Variants in TENM2 observed in about 807,000 individuals in gnomAD.
TENM2 encodes the protein teneurin transmembrane protein 2.
TENM2 carries 52 observed loss-of-function variants against 245.2 expected under a neutral mutation model. The observed-to-expected ratio is 0.21, with a 90% CI of 0.17 to 0.27. The LOEUF is 0.27. TENM2 is among the 10% of genes least tolerant of loss of function. The probability of loss-of-function intolerance (pLI) is 1.00; values close to 1 mark genes in which losing one functional copy is unlikely to be tolerated. For synonymous variants in TENM2, 1,363 were observed against 1,438.9 expected (o/e 0.95, Z 1.19); for missense variants, 3,046 against 3,666.8 (o/e 0.83, Z 4.37).
intron 2 of TENM2, among the ~76,000 whole-genome samples, chr5:167,545,907 A>T (rs778836372): frequency 1.1e-4 from 17 of 152,238 alleles, no homozygotes; most frequent in Non-Finnish European, 2.1e-4. Flanking sequence ...TTGGTAAGGA[A>T]CAAACTTGGC....
chr5:168,263,144 C>A (rs1206574864), downstream of TENM2: 3 of 223,630 alleles, frequency 1.3e-5, no homozygotes, highest in African/African-American at 2.3e-5. Context: ...CCAAAAGGAA[C>A]AAAAGAACAA....
intron 2 of TENM2, among the ~76,000 whole-genome samples, chr5:167,409,047 AT>A (rs1762775725): frequency 6.6e-6 from 1 of 151,792 alleles, no homozygotes; most frequent in South Asian, 2.1e-4. Context: ...AGGTAACCTC[AT>A]TGATTAAAAC....
chr5:167,115,843 G>C, the TENM2 span, among the ~76,000 whole-genome samples: 1 of 152,132 alleles, frequency 6.6e-6, no homozygotes, highest in Non-Finnish European at 1.5e-5. Context: ...GTATAAAATA[G>C]GGGTCAAGAG....
chr5:168,190,983 T>C (rs2152510914), intron 14 of TENM2: 1 of 157,150 alleles, frequency 6.4e-6, no homozygotes, highest in East Asian at 1.9e-4. Flanking sequence ...GGTGGCATCT[T>C]AGAGTCAAGA....
At chr5:167,760,530 T>G (rs989396376) in intron 2 of TENM2, among the ~76,000 whole-genome samples, 1 of 152,164 alleles carries the variant, frequency 6.6e-6, no homozygotes, top group Non-Finnish European at 1.5e-5. Context: ...GAATTTTTAT[T>G]GTTGGCCTGA....
In TENM2 at chr5:168,218,511, T is replaced by C. The variant is rs374960285; in HGVS notation, c.4620T>C (p.Asp1540=). The change falls in exon 23 of 29, where the codon GAT becomes GAC. Residue 1540 remains aspartate (D), a synonymous_variant. Coordinates refer to ENST00000518659, the Ensembl canonical transcript of TENM2. This position sits in a 1 kb window ranked among gnomAD's most constrained non-coding sequence, Gnocchi z 5.2. ...CAGGAGATGATGCCTACGCGACTGA[T>C]GCCATCTTGAATTCCCCATCATCCT... 11 of 1,613,938 alleles carry C rather than the reference T, an allele frequency of 6.8e-6. No individual in the cohort carries two copies. The African/African-American group carries it at 1.2e-4, about 18-fold the overall frequency.
chr5:167,945,561 C>A (rs922532306), intron 3 of TENM2, among the ~76,000 whole-genome samples: 7 of 152,170 alleles, frequency 4.6e-5, no homozygotes, highest in Non-Finnish European at 1.0e-4. Context: ...TCCCTGCCGA[C>A]CCTAGTCCTT....
At chr5:167,008,818 G>A in the TENM2 span, among the ~76,000 whole-genome samples, 2 of 152,130 alleles carry the variant, frequency 1.3e-5, no homozygotes, top group Non-Finnish European at 2.9e-5. Context: ...ACATTTGTGA[G>A]TCATGTATAT....
In TENM2 at chr5:167,905,244, A is replaced by G. The variant is rs542352716; in HGVS notation, c.712+29049A>G. Among the ~76,000 whole-genome samples the G allele has an allele frequency of 7.2e-5, 11 of 152,310 alleles. No homozygotes were observed. In the South Asian group the frequency reaches 1.7e-3, roughly 23 times the overall value. On this transcript the variant is annotated intron_variant, in intron 3 of 28. Coordinates refer to ENST00000518659, the Ensembl canonical transcript of TENM2. The stretch of plus-strand genomic sequence containing the variant: ...ACAGTTCGGAATACACAGGTAGTCT[A>G]AAAAAATCAACTTTCAACCTCATCG...
At chr5:167,561,379 T>C (rs1267155658) in intron 2 of TENM2, among the ~76,000 whole-genome samples, 2 of 152,148 alleles carry the variant, frequency 1.3e-5, no homozygotes, top group African/African-American at 2.4e-5. Flanking sequence ...TAAATAACAT[T>C]CTGGTTCCCC....
At chr5:167,056,729 A>C in the TENM2 span, among the ~76,000 whole-genome samples, 2 of 149,634 alleles carry the variant, frequency 1.3e-5, no homozygotes, top group African/African-American at 2.4e-5. Context: ...CTGAAGTTTG[A>C]ATATGATATA....
At chr5:167,631,143 C>A (rs1778840549) in intron 2 of TENM2, among the ~76,000 whole-genome samples, 1 of 152,098 alleles carries the variant, frequency 6.6e-6, no homozygotes, top group South Asian at 2.1e-4. Context: ...AGATCCCTGC[C>A]CTCTTGTCGC....
Position 167,927,347 on chromosome 5 carries a change from C to T in TENM2, c.713-25241C>T, listed in dbSNP as rs569735516. ...CCTTCTTCTTGAATGTTACATTATT[C>T]TACTGACATTGTAGAGTGAATAGTG... On this transcript the variant is annotated intron_variant, in intron 3 of 28. Coordinates refer to ENST00000518659, the Ensembl canonical transcript of TENM2. Among the ~76,000 whole-genome samples, 3 of 152,276 alleles carry T rather than the reference C, an allele frequency of 2.0e-5. No individual in the cohort carries two copies. The South Asian group carries it at 6.2e-4, about 32-fold the overall frequency.
chr5:167,208,723 T>G, the TENM2 span, among the ~76,000 whole-genome samples: 3 of 152,236 alleles, frequency 2.0e-5, no homozygotes, highest in Admixed American at 2.0e-4. Flanking sequence ...TAAGCTAAAT[T>G]GATGGAGATC....
chr5:167,773,629 T>G (rs1004026246), intron 2 of TENM2, among the ~76,000 whole-genome samples: 2 of 152,168 alleles, frequency 1.3e-5, no homozygotes, highest in Non-Finnish European at 2.9e-5. Flanking sequence ...TCCTGCTATT[T>G]GGTCATCAGA....
At chr5:167,926,756 A>ACG (rs1193722888) in intron 3 of TENM2, among the ~76,000 whole-genome samples, 1 of 149,958 alleles carries the variant, frequency 6.7e-6, no homozygotes, top group Non-Finnish European at 1.5e-5. Context: ...ACACACACAC[A>ACG]CACACACAAG....
chr5:167,713,785 A>T (rs1024302594), intron 2 of TENM2, among the ~76,000 whole-genome samples: 1 of 152,210 alleles, frequency 6.6e-6, no homozygotes, highest in African/African-American at 2.4e-5. Flanking sequence ...ACACACGTAG[A>T]CCTGATGCCC....
the TENM2 span, among the ~76,000 whole-genome samples, chr5:167,154,751 C>T: frequency 1.3e-5 from 2 of 152,042 alleles, no homozygotes; most frequent in Non-Finnish European, 2.9e-5. Context: ...CTTCTCCGTT[C>T]CCGAATTGCC....
intron 2 of TENM2, among the ~76,000 whole-genome samples, chr5:167,518,547 A>G (rs1770549192): frequency 6.6e-6 from 1 of 152,224 alleles, no homozygotes. Context: ...TGCACAGGTT[A>G]ACCGATGTTT....
Sources: allele counts gnomAD v4.1 joint callset (sites outside exome capture counted in the v4.1 genomes callset), GRCh38; gene constraint gnomAD v4.1.1; non-coding constraint Gnocchi (gnomAD v3.1); transcripts MANE v1.5; gene names NCBI Gene and HGNC (gene_info 2026-07-23, HGNC 2026-07-21).